ZMIZ1: variants seen among roughly 807,000 people sequenced by gnomAD.
The protein encoded by ZMIZ1 is zinc finger MIZ-type containing 1, also known as zinc finger MIZ domain-containing protein 1.
ZMIZ1 carries 17 observed loss-of-function variants against 113.9 expected under a neutral mutation model. That is an observed-to-expected ratio of 0.15 (90% CI 0.10 to 0.22). ZMIZ1 has a LOEUF of 0.22. ZMIZ1 is among the 10% of genes least tolerant of loss of function. The probability of loss-of-function intolerance (pLI) is 1.00; values close to 1 mark genes in which losing one functional copy is unlikely to be tolerated. For synonymous variants in ZMIZ1, 607 were observed against 603.1 expected, an observed-to-expected ratio of 1.01 and a Z score of -0.09; for missense variants, 1,059 against 1,477.8, an observed-to-expected ratio of 0.72 and a Z score of 4.65.
At chr10:79,107,258 G>A (rs1487803048) in intron 1 of ZMIZ1, among the ~76,000 whole-genome samples, 1 of 152,244 alleles carries the variant, frequency 6.6e-6, no homozygotes, top group Non-Finnish European at 1.5e-5. Context: ...CATTCAGTCA[G>A]CTTTTGTAGC....
At chr10:79,262,085 G>A (rs933936061) in intron 7 of ZMIZ1, among the ~76,000 whole-genome samples, 1 of 152,288 alleles carries the variant, frequency 6.6e-6, no homozygotes, top group Admixed American at 6.5e-5. Flanking sequence ...CTAAGAACTT[G>A]CTTATGTCCT....
Position 79,095,291 on chromosome 10 carries a change from A to C in ZMIZ1, c.-336-23624A>C, listed in dbSNP as rs114882299. On this transcript the variant is annotated intron_variant, in intron 1 of 24. Coordinates refer to ENST00000334512, the MANE Select transcript of ZMIZ1 (RefSeq NM_020338.4). The stretch of plus-strand genomic sequence containing the variant: ...CAGTCATGTCTATAACATACATTTC[A>C]AGGGAAAAACATCTGTTTTGAGGGC... Among the ~76,000 whole-genome samples the C allele has an allele frequency of 9.2e-3, 1,405 of 152,352 alleles. 26 individuals carry two copies. The highest frequency in any genetic ancestry group is 0.032 in the African/African-American group (1,327 of 41,576).
At chr10:79,247,791 C>T (rs1490293928) in intron 7 of ZMIZ1, among the ~76,000 whole-genome samples, 1 of 152,210 alleles carries the variant, frequency 6.6e-6, no homozygotes, top group Non-Finnish European at 1.5e-5. Flanking sequence ...AGGGGAGGCC[C>T]GGCCCCTGTG....
At chr10:79,141,870 C>T (rs901107791) in intron 3 of ZMIZ1, among the ~76,000 whole-genome samples, 8 of 152,218 alleles carry the variant, frequency 5.3e-5, no homozygotes, top group Admixed American at 3.9e-4. Flanking sequence ...GGACCCACTC[C>T]TGTAGGCGGA....
chr10:79,114,223 A>G (rs1443024399), intron 1 of ZMIZ1, among the ~76,000 whole-genome samples: 1 of 152,240 alleles, frequency 6.6e-6, no homozygotes, highest in Admixed American at 6.5e-5. Flanking sequence ...AATGATTGAT[A>G]AGAGCTGAGA....
At chr10:79,088,144 G>A (rs1842871833) in intron 1 of ZMIZ1, among the ~76,000 whole-genome samples, 1 of 152,260 alleles carries the variant, frequency 6.6e-6, no homozygotes, top group Non-Finnish European at 1.5e-5. Flanking sequence ...CAAAGCCAGA[G>A]AGATGGCTGG....
chr10:79,075,126 A>G (rs1347088825), intron 1 of ZMIZ1, among the ~76,000 whole-genome samples: 1 of 149,300 alleles, frequency 6.7e-6, no homozygotes, highest in African/African-American at 2.6e-5. Flanking sequence ...CTAGACAGCC[A>G]GCTGAGGGCC....
At chr10:79,161,647 T>G (rs1326898575) in intron 3 of ZMIZ1, among the ~76,000 whole-genome samples, 2 of 152,218 alleles carry the variant, frequency 1.3e-5, no homozygotes, top group Non-Finnish European at 2.9e-5. Context: ...CTTTTACTTT[T>G]GTATCATTTG....
chr10:79,094,794 C>A (rs1294573926), intron 1 of ZMIZ1, among the ~76,000 whole-genome samples: 2 of 152,168 alleles, frequency 1.3e-5, no homozygotes, highest in Non-Finnish European at 2.9e-5. Context: ...ACCAGAAATA[C>A]AAAAACTAGC....
chr10:79,156,363 T>G (rs1845902879), intron 3 of ZMIZ1, among the ~76,000 whole-genome samples: 1 of 152,092 alleles, frequency 6.6e-6, no homozygotes, highest in Non-Finnish European at 1.5e-5. Flanking sequence ...CCACAGGAAC[T>G]TCCCACACAT....
intron 6 of ZMIZ1, among the ~76,000 whole-genome samples, chr10:79,213,058 C>T (rs183049213): frequency 2.3e-4 from 35 of 152,246 alleles, no homozygotes; most frequent in Admixed American, 2.2e-3. Context: ...ACCCCCACCC[C>T]GCCACCGTGG....
chr10:79,160,795 G>A (rs1041040496), intron 3 of ZMIZ1, among the ~76,000 whole-genome samples: 1 of 152,250 alleles, frequency 6.6e-6, no homozygotes, highest in African/African-American at 2.4e-5. Context: ...CGTGATGTGG[G>A]CACCACCTCT....
chr10:79,130,563 G>A (rs1228847994), intron 2 of ZMIZ1, among the ~76,000 whole-genome samples: 2 of 152,222 alleles, frequency 1.3e-5, no homozygotes, highest in East Asian at 1.9e-4. Flanking sequence ...GAGGGCAGGA[G>A]TTATCTGTCT....
chr10:79,237,238 C>T lies in ZMIZ1; in HGVS notation c.280+20964C>T, dbSNP rs182380556. On this transcript the variant is annotated intron_variant, in intron 7 of 24. Coordinates refer to ENST00000334512, the MANE Select transcript of ZMIZ1 (RefSeq NM_020338.4). ...GAGGGAAATGAGGTCAGAGAGATGA[C>T]GGAGACTGGAGGCTGGGTCACGCGG... is the stretch of plus-strand genomic sequence containing the variant. 4.5e-3 allele frequency among the ~76,000 whole-genome samples: 679 copies of T among 152,302 alleles called. 18 individuals carry two copies. The highest frequency in any genetic ancestry group is 7.3e-3 in the East Asian group (38 of 5,186).
chr10:79,286,557 A>C (rs546929048), intron 8 of ZMIZ1, among the ~76,000 whole-genome samples: 21 of 152,374 alleles, frequency 1.4e-4, no homozygotes, highest in African/African-American at 4.6e-4. Flanking sequence ...GCAGCATGCC[A>C]GCAGGGCCTC....
intron 1 of ZMIZ1, among the ~76,000 whole-genome samples, chr10:79,102,833 C>A (rs1843411840): frequency 6.6e-6 from 1 of 152,202 alleles, no homozygotes; most frequent in African/African-American, 2.4e-5. Context: ...GGTGAGCTGA[C>A]AGAATCGTAG....
At chr10:79,078,719 AT>A (rs10673987) in intron 1 of ZMIZ1, among the ~76,000 whole-genome samples, 119 of 124,996 alleles carry the variant, frequency 9.5e-4, no homozygotes, top group Non-Finnish European at 1.0e-3. Flanking sequence ...TAATTTTTGT[AT>A]TTTTTTTTTT....
intron 23 of ZMIZ1, among the ~76,000 whole-genome samples, chr10:79,309,105 C>T (rs968189799): frequency 1.3e-5 from 2 of 152,200 alleles, no homozygotes; most frequent in Admixed American, 1.3e-4. Context: ...GTGGAGGCAG[C>T]CACACCCCCA....
chr10:79,296,721 A>C lies in ZMIZ1; in HGVS notation c.1413+68A>C. The C allele has an allele frequency of 9.1e-6, 13 of 1,422,222 alleles. No individual in the cohort carries two copies. The highest frequency in any genetic ancestry group is 1.4e-5 in the South Asian group (1 of 71,926). The allele number at this position is 1,422,222 out of a possible 1,614,324, so 88.1% of individuals were successfully genotyped here. On this transcript the variant is annotated intron_variant, in intron 13 of 24. Coordinates refer to ENST00000334512, the MANE Select transcript of ZMIZ1 (RefSeq NM_020338.4). The surrounding 1 kb of genome is among the most constrained non-coding windows in gnomAD (Gnocchi z 4.1). ...CTAACCACCTCACTCCCCTAACTCC[A>C]CCGGGATCACTCTGACCCTGCGTGT...
Sources: allele counts gnomAD v4.1 joint callset (sites outside exome capture counted in the v4.1 genomes callset), GRCh38; gene constraint gnomAD v4.1.1; non-coding constraint Gnocchi (gnomAD v3.1); transcripts MANE v1.5; gene names NCBI Gene and HGNC (gene_info 2026-07-23, HGNC 2026-07-21).